Variants in CMYA5 observed in about 807,000 individuals in gnomAD.
CMYA5 encodes the protein cardiomyopathy associated 5, also known as cardiomyopathy-associated protein 5.
CMYA5 carries 246 observed loss-of-function variants against 318.9 expected under a neutral mutation model. The observed-to-expected ratio is 0.77, with a 90% CI of 0.70 to 0.86. CMYA5 has a LOEUF of 0.86. Ranked by LOEUF, CMYA5 falls within the 40% of genes least tolerant of loss-of-function variation. The pLI is 0.00. For synonymous variants in CMYA5, 1,641 were observed against 1,729.5 expected (o/e 0.95, Z 1.27); for missense variants, 4,589 against 4,678.2 (o/e 0.98, Z 0.56).
intron 2 of CMYA5, among the ~76,000 whole-genome samples, chr5:79,742,145 T>C (rs1828227960): frequency 7.3e-6 from 1 of 137,410 alleles, no homozygotes; most frequent in Non-Finnish European, 1.6e-5. Context: ...CCCTTCTTCC[T>C]CCCCCTCTTC....
At chr5:79,760,745 A>G (rs113678130) in intron 7 of CMYA5, among the ~76,000 whole-genome samples, 125 of 152,366 alleles carry the variant, frequency 8.2e-4, no homozygotes, top group African/African-American at 2.8e-3. Flanking sequence ...GGGTGGGGAC[A>G]CAGAACCAAA....
At position 79,730,582 on chromosome 5, in the gene CMYA5, A is replaced by G. The variant is rs768745226; in HGVS notation, c.1817A>G (p.His606Arg). 6.2e-7 allele frequency: 1 copy of G among 1,614,046 alleles called. No individual in the cohort carries two copies. Among genetic ancestry groups the G allele is most frequent in the Non-Finnish European group, 8.5e-7 (1 of 1,179,890 alleles). Residue 606 changes from histidine to arginine, a missense_variant, in exon 2 of 13, where the codon CAT (histidine) becomes CGT (arginine). By Grantham distance (29) the His-to-Arg change is conservative. Coordinates refer to ENST00000446378, the MANE Select transcript of CMYA5 (RefSeq NM_153610.5). Reference protein sequence around the residue: ...SEYSVPQDLNHELQEQEGEPV... With the variant: ...SEYSVPQDLNRELQEQEGEPV... ...TATTCAGTACCACAGGATTTGAACC[A>G]TGAATTACAGGAGCAAGAAGGTGAG...
At chr5:79,692,906 T>C (rs1412208501) in intron 1 of CMYA5, among the ~76,000 whole-genome samples, 1 of 152,182 alleles carries the variant, frequency 6.6e-6, no homozygotes, top group Non-Finnish European at 1.5e-5. Flanking sequence ...ACTATTAATA[T>C]TTGCCATAGA....
rs764397168 is a variant in CMYA5, at chr5:79,729,429, A to C, written c.664A>C (p.Ile222Leu). 2 of 1,613,634 alleles carry C rather than the reference A, an allele frequency of 1.2e-6. No individual in the cohort carries two copies. The highest frequency in any genetic ancestry group is 1.3e-5 in the African/African-American group (1 of 74,934). ...HKPLVLRPVY[I>L]GTVQYKIKMF... is the part of the protein sequence containing the mutation. ...GCCATTAGTGTTAAGACCAGTCTACATAGGAACAGTACAATATAAAATTAA... is the reference window on the plus strand; with the variant it reads ...GCCATTAGTGTTAAGACCAGTCTACCTAGGAACAGTACAATATAAAATTAA... The change falls in exon 2 of 13, where the codon ATA becomes CTA. Residue 222 changes from isoleucine (I) to leucine (L), a missense_variant. This residue lies in a region of CMYA5 where 2,132 missense variants were observed against 2,131.3 expected (regional missense o/e 1.00). Transcript: ENST00000446378.
intron 1 of CMYA5, among the ~76,000 whole-genome samples, chr5:79,691,660 C>G (rs1369850275): frequency 6.6e-6 from 1 of 152,176 alleles, no homozygotes; most frequent in Non-Finnish European, 1.5e-5. Flanking sequence ...AGGAAGTCAG[C>G]AAAACTTCTG....
At chr5:79,799,342 T>C (rs776552613) in intron 12 of CMYA5, 28 bp from the exon 13 acceptor site, 1 of 1,579,080 alleles carries the variant, frequency 6.3e-7, no homozygotes. Flanking sequence ...TTCCAGAGTT[T>C]TATGTTTCCC....
chr5:79,723,665 G>A (rs1357023124), intron 1 of CMYA5, among the ~76,000 whole-genome samples: 2 of 151,760 alleles, frequency 1.3e-5, no homozygotes, highest in East Asian at 3.9e-4. Flanking sequence ...GGGATGCTGA[G>A]GAGAGAGGAT....
In CMYA5 at chr5:79,730,021, C is replaced by G. The variant is rs1263656347; in HGVS notation, c.1256C>G (p.Ala419Gly). The G allele has an allele frequency of 6.2e-7, 1 of 1,613,902 alleles. No individual in the cohort carries two copies. Among genetic ancestry groups the G allele is most frequent in the African/African-American group, 1.3e-5 (1 of 74,940 alleles). ...GACTCTTCAGTCTCACCATCATTTG[C>G]TAATGAGGTAAAGAAGGAAGATGTG... ...ENDSSVSPSF[A>G]NEVKKEDVYS... Residue 419 changes from alanine (A) to glycine (G), a missense_variant, in exon 2 of 13, where the codon GCT becomes GGT. By Grantham distance (60) the Ala-to-Gly change is moderately conservative. Transcript: ENST00000446378.
intron 1 of CMYA5, among the ~76,000 whole-genome samples, chr5:79,695,235 A>T (rs1827045406): frequency 6.6e-6 from 1 of 152,220 alleles, no homozygotes; most frequent in South Asian, 2.1e-4. Flanking sequence ...GTACATGAAA[A>T]TAACCTTTGA....
chr5:79,737,715 G>T lies in CMYA5; in HGVS notation c.8950G>T (p.Ala2984Ser), dbSNP rs751356482. ...QDKLEYLEEKASFKTIPLPDD... is the reference protein window; with the variant it reads ...QDKLEYLEEKSSFKTIPLPDD... ...TAAATTAGAATATTTGGAAGAGAAAGCCTCATTTAAAACCATACCACTCCC... is the reference window on the plus strand; with the variant it reads ...TAAATTAGAATATTTGGAAGAGAAATCCTCATTTAAAACCATACCACTCCC... The change falls in exon 2 of 13, where the codon GCC (alanine) becomes TCC (serine). Residue 2984 changes from alanine (A) to serine (S), a missense_variant. Ala to Ser is a moderately conservative substitution (Grantham distance 99, BLOSUM62 1). Around this residue, in one of 3 missense-constraint regions of CMYA5, gnomAD observed 2,431 missense variants for 2,495.1 expected, o/e 0.97. Transcript: ENST00000446378. 6.2e-7 allele frequency: 1 copy of T among 1,611,716 alleles called. No homozygotes were observed. Among genetic ancestry groups the T allele is most frequent in the South Asian group, 1.1e-5 (1 of 90,328 alleles).
chr5:79,712,282 C>T lies in CMYA5; in HGVS notation c.150-16633C>T, dbSNP rs186890241. Among the ~76,000 whole-genome samples the T allele has an allele frequency of 3.8e-4, 58 of 152,212 alleles. No individual in the cohort carries two copies. In the East Asian group the frequency reaches 4.8e-3, roughly 13 times the overall value. On this transcript the variant is annotated intron_variant, in intron 1 of 12. Coordinates refer to ENST00000446378, the MANE Select transcript of CMYA5 (RefSeq NM_153610.5). ...CAGGCTAGAGTGTGGTGCGTGATCT[C>T]GGCTCACCGCAACCTTAGTCTCCCA...
intron 12 of CMYA5, among the ~76,000 whole-genome samples, chr5:79,798,953 T>C (rs1434521262): frequency 1.3e-5 from 2 of 152,212 alleles, no homozygotes; most frequent in Non-Finnish European, 2.9e-5. Flanking sequence ...TTTAAAACTG[T>C]AAAATTAATA....
chr5:79,799,478 C>T lies in CMYA5; in HGVS notation c.12072C>T (p.Asn4024=), dbSNP rs371432340. ...ACAACCAGAGACTTATCTTCATCAA[C>T]GCAGAGAGCGAGCAGTTGCTCTTCA... The part of the protein sequence containing the change: ...DYNNQRLIFI[N]AESEQLLFII... Residue 4024 remains asparagine (N), a synonymous_variant, in exon 13 of 13, where the codon AAC becomes AAT. Transcript: ENST00000446378. 1.5e-5 allele frequency: 24 copies of T among 1,613,912 alleles called. No homozygotes were observed. Among genetic ancestry groups the T allele is most frequent in the Middle Eastern group, 1.6e-4 (1 of 6,082 alleles).
rs1267508387 is a variant in CMYA5 at position 79,729,288 on chromosome 5, C to T, written c.523C>T (p.Gln175Ter). 6.8e-6 allele frequency: 11 copies of T among 1,610,830 alleles called. No homozygotes were observed. Among genetic ancestry groups the T allele is most frequent in the Non-Finnish European group, 9.3e-6 (11 of 1,179,080 alleles). Residue 175 changes from glutamine to a stop codon, truncating the protein, a stop_gained, in exon 2 of 13, where the codon CAG becomes TAG. Transcript: ENST00000446378. LOFTEE classifies it high-confidence loss of function. ...KKGSPLTSAS[Q>*]VLTTEKEKSY... ...AGGCAGTCCTTTAACTTCAGCAAGC[C>T]AGGTACTAACCACGGAGAAAGAGAA... is the stretch of plus-strand genomic sequence containing the variant.
At chr5:79,715,600 T>C (rs750855193) in intron 1 of CMYA5, among the ~76,000 whole-genome samples, 9 of 151,950 alleles carry the variant, frequency 5.9e-5, no homozygotes, top group Non-Finnish European at 1.2e-4. Context: ...TATAGCTTAT[T>C]ATTACTGTCT....
intron 9 of CMYA5, among the ~76,000 whole-genome samples, chr5:79,778,413 T>C (rs1231164245): frequency 1.3e-5 from 2 of 152,230 alleles, no homozygotes; most frequent in African/African-American, 2.4e-5. Context: ...CTTTATACCC[T>C]TGCCTAAACA....
In CMYA5 at chr5:79,733,932, C is replaced by G. The variant is rs745937163; in HGVS notation, c.5167C>G (p.Leu1723Val). 2 of 1,613,400 alleles carry G rather than the reference C, an allele frequency of 1.2e-6. No homozygotes were observed. Among genetic ancestry groups the G allele is most frequent in the South Asian group, 2.2e-5 (2 of 91,056 alleles). Reference sequence around the variant, plus strand: ...ACCTTTCTCTCCCAAGATCATCAGCCTAGAGTCGAAAGAACCACCTGCCTC... The same window carrying G: ...ACCTTTCTCTCCCAAGATCATCAGCGTAGAGTCGAAAGAACCACCTGCCTC... ...IKPFSPKIIS[L>V]ESKEPPASVA... Residue 1723 changes from leucine to valine, a missense_variant, in exon 2 of 13, where the codon CTA becomes GTA. Physicochemically the swap from Leu to Val is conservative, Grantham distance 32. Around this residue, in one of 3 missense-constraint regions of CMYA5, gnomAD observed 2,132 missense variants for 2,131.3 expected, o/e 1.00. Coordinates refer to ENST00000446378, the MANE Select transcript of CMYA5 (RefSeq NM_153610.5).
chr5:79,768,025 G>A (rs1828785665), intron 9 of CMYA5, among the ~76,000 whole-genome samples: 1 of 152,114 alleles, frequency 6.6e-6, no homozygotes, highest in South Asian at 2.1e-4. Context: ...AGCTCTTCTT[G>A]TTATGTTGAT....
chr5:79,733,753 A>G lies in CMYA5; in HGVS notation c.4988A>G (p.Glu1663Gly). The part of the protein sequence containing the change: ...GTKQAKSPIT[E>G]TEDSVLEKGP... Reference sequence around the variant, plus strand: ...AAACAAGCAAAGTCTCCCATAACTGAAACAGAGGATTCTGTTTTAGAAAAA... The same window carrying G: ...AAACAAGCAAAGTCTCCCATAACTGGAACAGAGGATTCTGTTTTAGAAAAA... Residue 1663 changes from glutamate (E) to glycine (G), a missense_variant, in exon 2 of 13, where the codon GAA (glutamate) becomes GGA (glycine). Transcript: ENST00000446378. The G allele has an allele frequency of 6.2e-7, 1 of 1,613,638 alleles. No homozygotes were observed. Among genetic ancestry groups the G allele is most frequent in the Non-Finnish European group, 8.5e-7 (1 of 1,179,796 alleles).
Sources: gnomAD v4.1 joint callset for allele counts (sites outside exome capture counted in the v4.1 genomes callset) on GRCh38, gnomAD v4.1.1 for gene constraint, gnomAD v4.1.1 regional missense constraint, MANE v1.5 for transcripts, NCBI Gene and HGNC (gene_info 2026-07-23, HGNC 2026-07-21) for gene names.